Variants in PCDH15 observed in about 807,000 individuals in gnomAD.
PCDH15 encodes protocadherin related 15, also known as protocadherin-15.
In PCDH15, 129 loss-of-function variants were observed where a neutral mutation model predicts 178.5. That is an observed-to-expected ratio of 0.72 (90% CI 0.63 to 0.84). PCDH15 has a LOEUF of 0.84. PCDH15 is among the 40% of genes least tolerant of loss of function. The probability of loss-of-function intolerance (pLI) is 0.00; values close to 1 mark genes in which losing one functional copy is unlikely to be tolerated. For missense variants in PCDH15, 2,230 were observed against 2,099.9 expected (o/e 1.06, Z -1.21); for synonymous variants, 800 against 732.0 (o/e 1.09, Z -1.50).
At chr10:55,180,336 A>G (rs1839608546) in intron 1 of PCDH15, among the ~76,000 whole-genome samples, 1 of 152,158 alleles carries the variant, frequency 6.6e-6, no homozygotes, top group African/African-American at 2.4e-5. Flanking sequence ...TACAATACCT[A>G]AAGACCCTGG....
intron 1 of PCDH15, among the ~76,000 whole-genome samples, chr10:55,312,763 A>G (rs1843620175): frequency 1.3e-5 from 2 of 152,000 alleles, no homozygotes; most frequent in Admixed American, 1.3e-4. Flanking sequence ...GATTACAGGC[A>G]TGCACCACCA....
At chr10:54,357,502 T>G (rs868276227) in intron 5 of PCDH15, among the ~76,000 whole-genome samples, 19 of 151,870 alleles carry the variant, frequency 1.3e-4, no homozygotes, top group African/African-American at 3.4e-4. Flanking sequence ...CACTGCTCAA[T>G]GAAATAAAAG....
intron 2 of PCDH15, among the ~76,000 whole-genome samples, chr10:55,161,038 T>C (rs1206740220): frequency 2.0e-5 from 3 of 152,114 alleles, no homozygotes; most frequent in Non-Finnish European, 2.9e-5. Context: ...TCCTTGTCAT[T>C]TGCAAAATTA....
chr10:54,831,929 AAAT>A (rs1418345068), intron 3 of PCDH15, among the ~76,000 whole-genome samples: 2 of 152,158 alleles, frequency 1.3e-5, no homozygotes, highest in African/African-American at 4.8e-5. Context: ...AATAAAAATA[AAAT>A]AATAAATCAT....
At chr10:54,636,389 G>A (rs1298591070) in intron 2 of PCDH15, among the ~76,000 whole-genome samples, 2 of 151,898 alleles carry the variant, frequency 1.3e-5, no homozygotes, top group Non-Finnish European at 2.9e-5. Context: ...GGCCAGACAA[G>A]AGCCAATCTT....
intron 15 of PCDH15, among the ~76,000 whole-genome samples, chr10:54,099,517 T>A (rs1339411987): frequency 0.022 from 1,425 of 64,784 alleles, 10 homozygotes; most frequent in African/African-American, 0.027. Context: ...AAAAAAAATA[T>A]ATATATATAT....
chr10:54,277,043 T>A (rs997207247), intron 8 of PCDH15, among the ~76,000 whole-genome samples: 3 of 151,364 alleles, frequency 2.0e-5, no homozygotes, highest in Non-Finnish European at 3.0e-5. Context: ...ATTCAGCACG[T>A]TTTTTTTCCT....
At chr10:54,727,609 CA>C (rs149078956) in intron 1 of PCDH15, among the ~76,000 whole-genome samples, 2,302 of 151,240 alleles carry the variant, frequency 0.015, 62 homozygotes, top group African/African-American at 0.051. Context: ...CTGAACTGAA[CA>C]AAACTGAGAT....
intron 13 of PCDH15, among the ~76,000 whole-genome samples, chr10:54,167,623 C>T (rs1278744378): frequency 1.3e-5 from 2 of 151,834 alleles, no homozygotes; most frequent in Non-Finnish European, 2.9e-5. Context: ...CTCCTTGTCT[C>T]TAACCCTTCT....
intron 2 of PCDH15, among the ~76,000 whole-genome samples, chr10:55,098,931 A>AGAGAGAGAGAGAGAGAGAGC (rs1564796896): frequency 7.6e-6 from 1 of 130,912 alleles, no homozygotes; most frequent in South Asian, 2.6e-4. Context: ...AGAGAGAGAG[A>AGAGAGAGAGAGAGAGAGAGC]GAGCTCTTAT....
Position 54,622,726 on chromosome 10 carries a change from T to A in PCDH15, c.91+41446A>T, listed in dbSNP as rs1397061161. Among the ~76,000 whole-genome samples, 7 of 34,232 alleles carry A rather than the reference T, an allele frequency of 2.0e-4. 1 individual carries two copies. The highest frequency in any genetic ancestry group is 1.7e-3 in the Admixed American group (4 of 2,322). 22.5% of individuals were successfully genotyped at this position (34,232 alleles called of 152,430 possible). Reference sequence around the variant, plus strand: ...TCTATATATTATATATAATATATATTATATAATTATATATATATTATATAT... The same window carrying A: ...TCTATATATTATATATAATATATATAATATAATTATATATATATTATATAT... On this transcript the variant is annotated intron_variant, in intron 2 of 37. Transcript: ENST00000644397.
chr10:53,860,101 C>T (rs2133074636), intron 27 of PCDH15, among the ~76,000 whole-genome samples: 1 of 152,242 alleles, frequency 6.6e-6, no homozygotes, highest in Admixed American at 6.5e-5. Flanking sequence ...TGCTGGATCA[C>T]TAAAACATCA....
intron 26 of PCDH15, among the ~76,000 whole-genome samples, chr10:53,892,271 C>T (rs954713452): frequency 7.9e-5 from 12 of 151,904 alleles, no homozygotes; most frequent in African/African-American, 1.9e-4. Context: ...GTGATCCACC[C>T]GCCCCGGCCT....
intron 18 of PCDH15, among the ~76,000 whole-genome samples, chr10:54,050,465 T>A (rs564011186): frequency 7.9e-5 from 12 of 152,284 alleles, no homozygotes; most frequent in African/African-American, 1.7e-4. Flanking sequence ...TATTTGTTAA[T>A]CTAGCTATAG....
At chr10:55,008,399 A>G (rs1162594174) in intron 2 of PCDH15, among the ~76,000 whole-genome samples, 1 of 152,172 alleles carries the variant, frequency 6.6e-6, no homozygotes, top group Non-Finnish European at 1.5e-5. Flanking sequence ...GGAATTTACA[A>G]GGATATCTTG....
intron 2 of PCDH15, among the ~76,000 whole-genome samples, chr10:55,363,794 C>A (rs1039026713): frequency 6.6e-6 from 1 of 151,984 alleles, no homozygotes; most frequent in African/African-American, 2.4e-5. Flanking sequence ...CACCACCACA[C>A]CCCACTAACT....
chr10:53,893,830 C>T (rs1239794978), intron 26 of PCDH15, among the ~76,000 whole-genome samples: 1 of 152,096 alleles, frequency 6.6e-6, no homozygotes, highest in African/African-American at 2.4e-5. Context: ...TAAAAGACTA[C>T]ACAATGGGTA....
At chr10:54,570,040 GTGTGTGTGTGTGTGTGTC>G (rs1249742186) in intron 2 of PCDH15, among the ~76,000 whole-genome samples, 1 of 50 alleles carries the variant, frequency 0.02, no homozygotes, top group Non-Finnish European at 0.033. Context: ...ACAATTAGGG[GTGTGTGTGTGTGTGTGTC>G]TGTGTGTGTG....
chr10:55,590,250 G>T (rs1262376143), intron 2 of PCDH15, among the ~76,000 whole-genome samples: 2 of 148,042 alleles, frequency 1.4e-5, no homozygotes, highest in South Asian at 2.2e-4. Context: ...ACTCATAGGT[G>T]GGAATTGAAC....
Sources: gnomAD v4.1 joint callset for allele counts (sites outside exome capture counted in the v4.1 genomes callset) on GRCh38, gnomAD v4.1.1 for gene constraint, MANE v1.5 for transcripts, NCBI Gene and HGNC (gene_info 2026-07-23, HGNC 2026-07-21) for gene names.